Variants in EPHA5 observed in about 807,000 individuals in gnomAD.
The protein encoded by EPHA5 is ephrin type-A receptor 5.
In EPHA5, 60 loss-of-function variants were observed where a neutral mutation model predicts 105.0. That is an observed-to-expected ratio of 0.57 (90% CI 0.46 to 0.71). The LOEUF (loss-of-function observed/expected upper bound fraction) is 0.71, where lower values mean the gene tolerates loss of function less well. EPHA5 is among the 30% of genes least tolerant of loss of function. EPHA5 has a pLI of 0.00. For synonymous variants in EPHA5, 513 were observed against 449.1 expected (o/e 1.14, Z -1.80); for missense variants, 1,218 against 1,274.7 (o/e 0.96, Z 0.68).
At chr4:65,330,480 T>A (rs1720505293) in intron 16 of EPHA5, 3 of 275,470 alleles carry the variant, frequency 1.1e-5, no homozygotes, top group Non-Finnish European at 1.1e-5. Flanking sequence ...ATAACTATTT[T>A]TTGAAGGAAG....
At position 65,365,298 on chromosome 4, in the gene EPHA5, A is replaced by C. The variant is rs575770626; in HGVS notation, c.1988-96T>G. ...CTTAGACTACTAAGGCTTAGATGAAAAAACAAACAAACAAACAAACAAACA... is the reference window on the plus strand; with the variant it reads ...CTTAGACTACTAAGGCTTAGATGAACAAACAAACAAACAAACAAACAAACA... On this transcript the variant is annotated intron_variant, in intron 10 of 16. Transcript: ENST00000613740. 13 of 960,354 alleles carry C rather than the reference A, an allele frequency of 1.4e-5. No individual in the cohort carries two copies. The Admixed American group carries it at 1.4e-4, about 11-fold the overall frequency. 59.5% of individuals were successfully genotyped at this position (960,354 alleles called of 1,614,324 possible). A position where few individuals can be genotyped will look rare whatever the true frequency, so the allele number is the denominator to read the frequency against.
chr4:65,514,722 A>G (rs902541627), intron 3 of EPHA5, among the ~76,000 whole-genome samples: 6 of 152,124 alleles, frequency 3.9e-5, no homozygotes, highest in Non-Finnish European at 8.8e-5. Flanking sequence ...TTTTCTCCCT[A>G]AAATGCTCGT....
At chr4:65,386,773 T>C (rs968494008) in intron 8 of EPHA5, among the ~76,000 whole-genome samples, 8 of 152,036 alleles carry the variant, frequency 5.3e-5, no homozygotes, top group Admixed American at 2.0e-4. Context: ...TAAATATATA[T>C]GGCAAAATAT....
Position 65,521,649 on chromosome 4 carries a change from A to G in EPHA5, c.911-26106T>C, listed in dbSNP as rs141847318. On this transcript the variant is annotated intron_variant, in intron 3 of 16. Coordinates refer to ENST00000613740, the MANE Select transcript of EPHA5 (RefSeq NM_001281766.3). ...TGGGGGGTATCCAAATTTCTATTAG[A>G]ATTGAAGTATGCTGAGCTTGGGAAG... 7.0e-3 allele frequency among the ~76,000 whole-genome samples: 1,064 copies of G among 152,120 alleles called. 14 individuals are homozygous for G. Among genetic ancestry groups the G allele is most frequent in the African/African-American group, 0.025 (1,026 of 41,520 alleles).
chr4:65,635,673 A>C (rs1747057203), intron 2 of EPHA5, among the ~76,000 whole-genome samples: 1 of 152,192 alleles, frequency 6.6e-6, no homozygotes, highest in Non-Finnish European at 1.5e-5. Context: ...CAAACCATTA[A>C]TTTTATTCTC....
rs76709160 is a variant in EPHA5 at position 65,598,831 on chromosome 4, A to G, written c.910+2810T>C. Among the ~76,000 whole-genome samples the G allele has an allele frequency of 9.0e-3, 1,366 of 152,232 alleles. 7 individuals are homozygous for G. The highest frequency in any genetic ancestry group is 0.031 in the Middle Eastern group (9 of 294). On this transcript the variant is annotated intron_variant, in intron 3 of 16. Transcript: ENST00000613740. ...GAAACTGAAAAAAGTTAGCTTGGCT[A>G]GTGCATAGGGAAGGGGAGAAAGCAA...
intron 3 of EPHA5, among the ~76,000 whole-genome samples, chr4:65,528,199 G>C (rs947979376): frequency 2.0e-5 from 3 of 152,030 alleles, no homozygotes; most frequent in Non-Finnish European, 4.4e-5. Context: ...ATTATAAAAG[G>C]GGAACTCAGC....
At chr4:65,398,953 C>A (rs1354720471) in intron 8 of EPHA5, among the ~76,000 whole-genome samples, 3 of 152,182 alleles carry the variant, frequency 2.0e-5, no homozygotes, top group African/African-American at 4.8e-5. Flanking sequence ...ATAAGAACTT[C>A]TGACACTGAG....
At position 65,602,206 on chromosome 4, in the gene EPHA5, G is replaced by C. The variant is rs764703347; in HGVS notation, c.345C>G (p.Thr115=). 6.2e-7 allele frequency: 1 copy of C among 1,613,714 alleles called. No individual in the cohort carries two copies. The highest frequency in any genetic ancestry group is 8.5e-7 in the Non-Finnish European group (1 of 1,180,006). The change falls in exon 3 of 17, where the codon ACC becomes ACG. Residue 115 remains threonine (T), a synonymous_variant. Coordinates refer to ENST00000613740, the MANE Select transcript of EPHA5 (RefSeq NM_001281766.3). ...MEQNQNNWLL[T]SWISNEGASR... ...AAGCACCTTCATTGGAGATCCAACT[G>C]GTCAAAAGCCAGTTATTCTGATTCT... is the stretch of plus-strand genomic sequence containing the variant.
intron 11 of EPHA5, among the ~76,000 whole-genome samples, chr4:65,354,980 G>A (rs1021271758): frequency 1.1e-4 from 16 of 151,738 alleles, no homozygotes; most frequent in Admixed American, 2.6e-4. Context: ...TTGTAAAAAT[G>A]TTTGTCTAAA....
At chr4:65,493,440 CA>C (rs1442133269) in intron 4 of EPHA5, among the ~76,000 whole-genome samples, 1 of 151,712 alleles carries the variant, frequency 6.6e-6, no homozygotes, top group African/African-American at 2.4e-5. Flanking sequence ...TCCAAAGAGC[CA>C]AAGGCAAAGT....
rs541900695 is a variant in EPHA5, at chr4:65,494,769, TG to T, written c.1066+618del. ...TGCTTGAGAACCCTAGCAAAAAAAT[TG>T]GTGTATGTATGACTCTGATCTGATT... On this transcript the variant is annotated intron_variant, in intron 4 of 16. Transcript: ENST00000613740. Among the ~76,000 whole-genome samples the T allele has an allele frequency of 3.1e-3, 475 of 152,214 alleles. 2 individuals are homozygous for T. The highest frequency in any genetic ancestry group is 0.011 in the African/African-American group (456 of 41,536).
chr4:65,530,105 A>G (rs1735625008), intron 3 of EPHA5, among the ~76,000 whole-genome samples: 1 of 152,142 alleles, frequency 6.6e-6, no homozygotes, highest in Admixed American at 6.5e-5. Flanking sequence ...AAAATCTATC[A>G]CAGATGTCTT....
In EPHA5 at chr4:65,423,705, G is replaced by T. The variant is rs183256977; in HGVS notation, c.1403-3140C>A. On this transcript the variant is annotated intron_variant, in intron 5 of 16. Coordinates refer to ENST00000613740, the MANE Select transcript of EPHA5 (RefSeq NM_001281766.3). Reference sequence around the variant, plus strand: ...TTCTACATTATTTTCTTATCTTCTGGGACTAAAAGACCAGATGCTCTAGGC... The same window carrying T: ...TTCTACATTATTTTCTTATCTTCTGTGACTAAAAGACCAGATGCTCTAGGC... Among the ~76,000 whole-genome samples, 34 of 148,806 alleles carry T rather than the reference G, an allele frequency of 2.3e-4. 2 individuals carry two copies. The highest frequency in any genetic ancestry group is 2.1e-3 in the Admixed American group (31 of 14,956).
At chr4:65,573,568 C>A (rs1243627543) in intron 3 of EPHA5, 1 of 1,598,302 alleles carries the variant, frequency 6.3e-7, no homozygotes, top group Non-Finnish European at 8.5e-7. Context: ...GCTAAAAAGC[C>A]CAAGAAGGGG....
intron 2 of EPHA5, among the ~76,000 whole-genome samples, chr4:65,604,583 T>C (rs1744043963): frequency 6.6e-6 from 1 of 152,164 alleles, no homozygotes; most frequent in Non-Finnish European, 1.5e-5. Flanking sequence ...ATATCTGCTG[T>C]CATTGAGACA....
intron 3 of EPHA5, among the ~76,000 whole-genome samples, chr4:65,517,255 C>CTT (rs1734196698): frequency 6.6e-6 from 1 of 151,824 alleles, no homozygotes; most frequent in Non-Finnish European, 1.5e-5. Context: ...TGTAATCTAT[C>CTT]TTTATCCAAT....
rs1231802542 is a variant in EPHA5, at chr4:65,322,402, T to G, written c.*1712A>C. 4.4e-6 allele frequency: 1 copy of G among 225,550 alleles called. No homozygotes were observed. The highest frequency in any genetic ancestry group is 2.2e-5 in the African/African-American group (1 of 44,884). 14.0% of individuals were successfully genotyped at this position (225,550 alleles called of 1,614,324 possible). A position where few individuals can be genotyped will look rare whatever the true frequency, so the allele number is the denominator to read the frequency against. ...TAACGTGGCTATATTTCTGATAAAT[T>G]TCATTAATCCAGGCTTCTCTGATCT... is the stretch of plus-strand genomic sequence containing the variant. On this transcript the variant is annotated 3_prime_UTR_variant, in exon 17 of 17. Transcript: ENST00000613740.
intron 3 of EPHA5, among the ~76,000 whole-genome samples, chr4:65,527,680 AT>A (rs1483096309): frequency 6.6e-6 from 1 of 152,048 alleles, no homozygotes; most frequent in Non-Finnish European, 1.5e-5. Context: ...GGGTATCTTT[AT>A]TAATATTATT....
Sources: allele counts gnomAD v4.1 joint callset (sites outside exome capture counted in the v4.1 genomes callset), GRCh38; gene constraint gnomAD v4.1.1; transcripts MANE v1.5; gene names NCBI Gene and HGNC (gene_info 2026-07-23, HGNC 2026-07-21).